HSPA12A: variants seen among roughly 807,000 people sequenced by gnomAD.
HSPA12A encodes heat shock 70 kDa protein 12A.
A neutral mutation model predicts 69.2 loss-of-function variants in HSPA12A; 28 were observed. That is an observed-to-expected ratio of 0.40 (90% CI 0.30 to 0.55). The LOEUF is 0.55. Among genes scored for constraint, HSPA12A ranks in the 20% least tolerant of loss-of-function variants. The pLI is 0.38. For missense variants in HSPA12A, 686 were observed against 900.7 expected (o/e 0.76, Z 3.05); for synonymous variants, 345 against 370.5 (o/e 0.93, Z 0.79).
rs184007688 is a variant in HSPA12A, at chr10:116,709,396, C to T, written c.41-2111G>A. 7.8e-3 allele frequency among the ~76,000 whole-genome samples: 1,147 copies of T among 146,280 alleles called. 16 individuals are homozygous for T. The highest frequency in any genetic ancestry group is 0.028 in the African/African-American group (1,099 of 39,284). The stretch of plus-strand genomic sequence containing the variant: ...CCAGGAGGCGGAGGGTGCAGTGAGC[C>T]GAGATTGTGCCACTGCACTCCAGCC... On this transcript the variant is annotated intron_variant, in intron 1 of 11. Transcript: ENST00000369209.
chr10:116,702,201 C>T (rs536028750), intron 3 of HSPA12A, among the ~76,000 whole-genome samples: 136 of 152,206 alleles, frequency 8.9e-4, no homozygotes, highest in African/African-American at 3.2e-3. Flanking sequence ...TCAATGTATT[C>T]GCTCACCTTT....
At chr10:116,759,514 G>T (rs1843925237) in intron 2 of HSPA12A, among the ~76,000 whole-genome samples, 1 of 152,224 alleles carries the variant, frequency 6.6e-6, no homozygotes. Flanking sequence ...ACCTTAATTG[G>T]TTTAAGTGGA....
At chr10:116,774,155 GC>G (rs1564815467) in intron 2 of HSPA12A, among the ~76,000 whole-genome samples, 3 of 151,246 alleles carry the variant, frequency 2.0e-5, no homozygotes, top group African/African-American at 7.3e-5. Context: ...GACTACAGGC[GC>G]CCGCCACTAC....
intron 2 of HSPA12A, among the ~76,000 whole-genome samples, chr10:116,818,467 C>T (rs925755438): frequency 6.6e-6 from 1 of 151,678 alleles, no homozygotes; most frequent in Non-Finnish European, 1.5e-5. Context: ...TCTCTTGGCC[C>T]CTGTAGGATT....
chr10:116,796,816 C>A (rs758530029), intron 2 of HSPA12A, among the ~76,000 whole-genome samples: 7 of 152,166 alleles, frequency 4.6e-5, no homozygotes, highest in Non-Finnish European at 7.3e-5. Flanking sequence ...CTGAGGGTGA[C>A]TGACCTTTCT....
chr10:116,810,119 T>A (rs538981693), intron 2 of HSPA12A, among the ~76,000 whole-genome samples: 1 of 152,192 alleles, frequency 6.6e-6, no homozygotes, highest in Non-Finnish European at 1.5e-5. Flanking sequence ...TGGGGGGTGC[T>A]GGGGTCGCAA....
At chr10:116,758,059 T>C (rs1843890173) in intron 2 of HSPA12A, among the ~76,000 whole-genome samples, 2 of 152,214 alleles carry the variant, frequency 1.3e-5, no homozygotes, top group South Asian at 2.1e-4. Flanking sequence ...GTTTTTCTTT[T>C]ATAACAAGAA....
intron 2 of HSPA12A, among the ~76,000 whole-genome samples, chr10:116,752,062 G>T (rs1429641468): frequency 6.6e-6 from 1 of 152,178 alleles, no homozygotes; most frequent in African/African-American, 2.4e-5. Context: ...GGACCGACAC[G>T]TATGCTCACT....
intron 2 of HSPA12A, among the ~76,000 whole-genome samples, chr10:116,817,720 G>T (rs907323441): frequency 5.3e-5 from 8 of 152,156 alleles, no homozygotes; most frequent in African/African-American, 1.7e-4. Flanking sequence ...CCTCAAGAAT[G>T]TGGGTCAGTC....
At chr10:116,750,604 T>C (rs555085780) in intron 2 of HSPA12A, 297 of 303,880 alleles carry the variant, frequency 9.8e-4, no homozygotes, top group African/African-American at 6.2e-3. Context: ...ACTCCAGGCA[T>C]GGAGGAGGTG....
chr10:116,730,703 C>T (rs978471959), intron 1 of HSPA12A, among the ~76,000 whole-genome samples: 2 of 152,284 alleles, frequency 1.3e-5, no homozygotes, highest in South Asian at 4.1e-4. Flanking sequence ...CATGCCCACC[C>T]CCAACCTGTT....
At position 116,750,579 on chromosome 10, in the gene HSPA12A, T is replaced by TA. The variant is rs59196229; in HGVS notation, c.92-43295dup. 3.7e-5 allele frequency: 12 copies of TA among 324,332 alleles called. No homozygotes were observed. The East Asian group carries it at 7.3e-4, about 20-fold the overall frequency. 20.1% of individuals were successfully genotyped at this position (324,332 alleles called of 1,614,324 possible). The stretch of plus-strand genomic sequence containing the variant: ...TACAAAAAACAGTCCTCTCAATACA[T>TA]AAAAAAACAGCATAACTCCAGGCAT... On this transcript the variant is annotated intron_variant, in intron 2 of 12. Transcript: ENST00000635765.
At chr10:116,779,741 C>T (rs752354047) in intron 2 of HSPA12A, among the ~76,000 whole-genome samples, 21 of 152,076 alleles carry the variant, frequency 1.4e-4, no homozygotes, top group African/African-American at 3.4e-4. Flanking sequence ...AACCGAATAA[C>T]GCTGGGCATG....
chr10:116,679,814 A>C (rs1849353608), intron 9 of HSPA12A, 53 bp from the exon 10 acceptor site: 1 of 1,587,364 alleles, frequency 6.3e-7, no homozygotes, highest in Non-Finnish European at 8.6e-7. Context: ...TTAGAAACCC[A>C]ATCCAGACTC....
At position 116,683,912 on chromosome 10, in the gene HSPA12A, C is replaced by T. The variant is rs1049230297; in HGVS notation, c.714G>A (p.Glu238=). The T allele has an allele frequency of 1.3e-6, 2 of 1,595,080 alleles. No individual in the cohort carries two copies. The highest frequency in any genetic ancestry group is 1.7e-5 in the Admixed American group (1 of 59,736). The change falls in exon 7 of 12, where the codon GAG becomes GAA. Residue 238 remains glutamate, a synonymous_variant. Coordinates refer to ENST00000369209, the MANE Select transcript of HSPA12A (RefSeq NM_025015.3). ...ENSEQLIIAL[E]PEAASIYCRK... ...GGCAGTAGATAGAGGCTGCCTCAGG[C>T]TCCAAGGCAATGATGAGCTGCTCCG... is the stretch of plus-strand genomic sequence containing the variant.
chr10:116,832,169 T>C (rs1281489093), intron 2 of HSPA12A: 1 of 149,038 alleles, frequency 6.7e-6, no homozygotes, highest in Non-Finnish European at 1.5e-5. Flanking sequence ...GTTGATTTTG[T>C]TTTTTTGGTT....
At chr10:116,736,969 A>T (rs1851336785) in intron 1 of HSPA12A, among the ~76,000 whole-genome samples, 1 of 152,182 alleles carries the variant, frequency 6.6e-6, no homozygotes, top group African/African-American at 2.4e-5. Flanking sequence ...TAACAATAAC[A>T]GCCAATAATA....
chr10:116,845,393 T>G (rs1209661332), intron 1 of HSPA12A, among the ~76,000 whole-genome samples: 1 of 152,180 alleles, frequency 6.6e-6, no homozygotes, highest in Non-Finnish European at 1.5e-5. Context: ...TAGGGGCAAC[T>G]GGGATTCCAC....
At chr10:116,741,469 C>A (rs545909502) in intron 1 of HSPA12A, among the ~76,000 whole-genome samples, 1 of 152,220 alleles carries the variant, frequency 6.6e-6, no homozygotes, top group Non-Finnish European at 1.5e-5. Context: ...CTGGGCCGCG[C>A]TCCTCTCCCC....
Sources: gnomAD v4.1 joint callset for allele counts (sites outside exome capture counted in the v4.1 genomes callset) on GRCh38, gnomAD v4.1.1 for gene constraint, MANE v1.5 for transcripts, NCBI Gene and HGNC (gene_info 2026-07-23, HGNC 2026-07-21) for gene names.